The following ACO1 variants were observed in gnomAD, a reference collection of about 807,000 sequenced individuals.
The protein encoded by ACO1 is cytoplasmic aconitate hydratase.
In ACO1, 78 loss-of-function variants were observed where a neutral mutation model predicts 105.1. The ratio of observed to expected loss-of-function variants is 0.74; its 90% CI spans 0.62 to 0.90. The LOEUF (loss-of-function observed/expected upper bound fraction) is 0.90. Among genes scored for constraint, ACO1 ranks in the 40% least tolerant of loss-of-function variants. The pLI is 0.00. For missense variants in ACO1, 965 were observed against 1,111.1 expected, an observed-to-expected ratio of 0.87 and a Z score of 1.87; for synonymous variants, 364 against 397.4, an observed-to-expected ratio of 0.92 and a Z score of 1.00.
Position 32,449,004 on chromosome 9 carries a change from C to G in ACO1, c.2479C>G (p.Leu827Val). 2 of 1,614,158 alleles carry G rather than the reference C, an allele frequency of 1.2e-6. No homozygotes were observed. Among genetic ancestry groups the G allele is most frequent in the South Asian group, 1.1e-5 (1 of 91,084 alleles). ...EYLPGENADA[L>V]GLTGQERYTI... ...TCTCCCTGGTGAGAATGCAGATGCC[C>G]TGGGGCTCACAGGGCAAGAACGATA... The change falls in exon 20 of 21, where the codon CTG becomes GTG. Residue 827 changes from leucine (L) to valine (V), a missense_variant. Coordinates refer to ENST00000309951, the MANE Select transcript of ACO1 (RefSeq NM_002197.3).
In ACO1 at chr9:32,419,952, G is replaced by A. The variant is rs75469824; in HGVS notation, c.798+775G>A. ...GGGTCCTTTGCATGGACATGCTATC[G>A]TTAAAGTGCAAAACACATTTCTCTC... On this transcript the variant is annotated intron_variant, in intron 7 of 20. Transcript: ENST00000309951. Among the ~76,000 whole-genome samples, 751 of 152,276 alleles carry A rather than the reference G, an allele frequency of 4.9e-3. 2 individuals are homozygous for A. The highest frequency in any genetic ancestry group is 6.8e-3 in the Non-Finnish European group (465 of 68,030).
intron 9 of ACO1, among the ~76,000 whole-genome samples, chr9:32,424,142 G>A (rs563188070): frequency 3.3e-5 from 5 of 152,148 alleles, no homozygotes; most frequent in Non-Finnish European, 7.3e-5. Flanking sequence ...ATAACTTAAC[G>A]GCTGCATCCC....
intron 1 of ACO1, among the ~76,000 whole-genome samples, chr9:32,401,074 G>A (rs7850888): frequency 0.15 from 22,493 of 151,732 alleles, 2,095 homozygotes; most frequent in South Asian, 0.29. Context: ...TCTGAGTAAG[G>A]GATTGTATAC....
intron 8 of ACO1, among the ~76,000 whole-genome samples, chr9:32,422,320 GTTCATC>G (rs1243625647): frequency 6.6e-6 from 1 of 152,180 alleles, no homozygotes; most frequent in African/African-American, 2.4e-5. Flanking sequence ...GATTTCTCCT[GTTCATC>G]TTCATGAAGA....
rs564437630 is a variant in ACO1, at chr9:32,416,289, T to G, written c.405-1839T>G. ...TTTATATTTTTAGCAGAGATGGGGT[T>G]TCACCATGTTGGCCAGTCTGGTCTT... On this transcript the variant is annotated intron_variant, in intron 4 of 20. Transcript: ENST00000309951. Among the ~76,000 whole-genome samples, 5 of 152,142 alleles carry G rather than the reference T, an allele frequency of 3.3e-5. No individual in the cohort carries two copies. The South Asian group carries it at 1.0e-3, about 32-fold the overall frequency.
intron 12 of ACO1, among the ~76,000 whole-genome samples, chr9:32,428,655 G>T (rs1184562716): frequency 6.6e-6 from 1 of 152,070 alleles, no homozygotes; most frequent in Non-Finnish European, 1.5e-5. Flanking sequence ...TGGCTAACAC[G>T]GTGAAACCCC....
chr9:32,448,800 G>A (rs919203448), intron 19 of ACO1, 96 bp from the exon 20 acceptor site: 13 of 1,317,542 alleles, frequency 9.9e-6, no homozygotes, highest in African/African-American at 2.9e-5. Context: ...GTTCCTATTC[G>A]GCCATCATGC....
At chr9:32,406,646 C>A (rs548203487) in intron 2 of ACO1, among the ~76,000 whole-genome samples, 1 of 152,108 alleles carries the variant, frequency 6.6e-6, no homozygotes, top group Non-Finnish European at 1.5e-5. Flanking sequence ...ACACATAATA[C>A]AATAAAAATC....
intron 1 of ACO1, among the ~76,000 whole-genome samples, chr9:32,392,778 T>C (rs1277971806): frequency 6.6e-6 from 1 of 152,228 alleles, no homozygotes; most frequent in Non-Finnish European, 1.5e-5. Flanking sequence ...GCTGAAGCCA[T>C]GGCAGAAGAA....
intron 1 of ACO1, among the ~76,000 whole-genome samples, chr9:32,399,649 G>C (rs981807333): frequency 1.3e-5 from 2 of 152,122 alleles, no homozygotes; most frequent in African/African-American, 4.8e-5. Context: ...AACAACCTAA[G>C]TATTTTAATA....
rs527313454 is a variant in ACO1 at position 32,454,748 on chromosome 9, C to T, written c.*4637C>T. On this transcript the variant is annotated 3_prime_UTR_variant, in exon 21 of 21. Coordinates refer to ENST00000309951, the MANE Select transcript of ACO1 (RefSeq NM_002197.3). The stretch of plus-strand genomic sequence containing the variant: ...TCCATGCCTGGCAATGACATTATTC[C>T]ATTAAAAGTCAAACAAGGAAATGCT... 1 of 152,104 alleles carries T rather than the reference C, an allele frequency of 6.6e-6. No individual in the cohort carries two copies. Among genetic ancestry groups the T allele is most frequent in the East Asian group, 1.9e-4 (1 of 5,184 alleles). The allele number at this position is 152,104 out of a possible 1,614,324, so 9.4% of individuals were successfully genotyped here.
intron 1 of ACO1, among the ~76,000 whole-genome samples, chr9:32,396,977 C>T (rs1426429421): frequency 6.6e-6 from 1 of 151,008 alleles, no homozygotes; most frequent in Admixed American, 6.6e-5. Flanking sequence ...ATCATTTAAG[C>T]TTTTTTTTTT....
At chr9:32,427,137 T>C (rs531537940) in intron 11 of ACO1, among the ~76,000 whole-genome samples, 164 bp from the exon 12 acceptor site, 1 of 152,298 alleles carries the variant, frequency 6.6e-6, no homozygotes, top group South Asian at 2.1e-4. Context: ...AGCCTTTAGA[T>C]TTCTGTTTGG....
chr9:32,423,327 G>A lies in ACO1; in HGVS notation c.979G>A (p.Glu327Lys). 1 of 1,586,444 alleles carries A rather than the reference G, an allele frequency of 6.3e-7. No homozygotes were observed. Among genetic ancestry groups the A allele is most frequent in the African/African-American group, 1.4e-5 (1 of 73,320 alleles). Residue 327 changes from glutamate (E) to lysine (K), a missense_variant, in exon 9 of 21, where the codon GAA becomes AAA. Transcript: ENST00000309951. ...ITYLVQTGRD[E>K]EKLKYIKKYL... ...CTTAAAATGCCTTTTAGGTCGTGAT[G>A]AAGAAAAATTAAAGTATATTAAAAA...
chr9:32,399,966 GTTTT>G (rs57615512), intron 1 of ACO1, among the ~76,000 whole-genome samples: 1 of 69,842 alleles, frequency 1.4e-5, no homozygotes, highest in African/African-American at 6.1e-5. Flanking sequence ...TTCTTTTTCT[GTTTT>G]TTTTTTTTTT....
At chr9:32,414,917 C>G (rs1821816186) in intron 4 of ACO1, among the ~76,000 whole-genome samples, 1 of 152,130 alleles carries the variant, frequency 6.6e-6, no homozygotes. Context: ...GAACACACAG[C>G]TTTCATGCAG....
intron 4 of ACO1, among the ~76,000 whole-genome samples, chr9:32,410,365 T>C (rs1821709468): frequency 6.6e-6 from 1 of 152,092 alleles, no homozygotes; most frequent in Admixed American, 6.6e-5. Flanking sequence ...AAGACCATCC[T>C]GGCAAACATG....
At chr9:32,414,775 A>G (rs923382650) in intron 4 of ACO1, among the ~76,000 whole-genome samples, 1 of 152,112 alleles carries the variant, frequency 6.6e-6, no homozygotes, top group East Asian at 1.9e-4. Flanking sequence ...TTATAATCTT[A>G]CCTGTAGTGG....
intron 11 of ACO1, 57 bp from the exon 12 acceptor site, chr9:32,427,244 G>A (rs1263852117): frequency 8.1e-6 from 13 of 1,602,840 alleles, no homozygotes; most frequent in Admixed American, 6.8e-5. Context: ...TCTGAAGTGT[G>A]CCTGGCACCT....
Sources: allele counts gnomAD v4.1 joint callset (sites outside exome capture counted in the v4.1 genomes callset), GRCh38; gene constraint gnomAD v4.1.1; transcripts MANE v1.5; gene names NCBI Gene and HGNC (gene_info 2026-07-23, HGNC 2026-07-21).